Variants in MTUS1 observed in about 807,000 individuals in gnomAD.
MTUS1 encodes the protein microtubule associated scaffold protein 1.
Under a neutral mutation model 120.8 loss-of-function variants are expected in MTUS1, and 109 were observed. That is an observed-to-expected ratio of 0.90 (90% CI 0.77 to 1.06). The LOEUF (loss-of-function observed/expected upper bound fraction) is 1.06. MTUS1 is among the 50% of genes least tolerant of loss of function. The probability of loss-of-function intolerance (pLI) is 0.00; values close to 1 mark genes in which losing one functional copy is unlikely to be tolerated. For missense variants in MTUS1, 2,210 were observed against 1,486.3 expected, an observed-to-expected ratio of 1.49 and a Z score of -8.01; for synonymous variants, 737 against 550.5, an observed-to-expected ratio of 1.34 and a Z score of -4.74.
chr8:17,750,018 A>C (rs1283987278), intron 2 of MTUS1, among the ~76,000 whole-genome samples: 1 of 152,214 alleles, frequency 6.6e-6, no homozygotes, highest in Non-Finnish European at 1.5e-5. Context: ...TTTGCCCAGT[A>C]AATGGTGGAG....
intron 12 of MTUS1, among the ~76,000 whole-genome samples, chr8:17,652,844 AAAAAG>A (rs1300567269): frequency 3.0e-4 from 46 of 152,216 alleles, no homozygotes; most frequent in African/African-American, 9.1e-4. Flanking sequence ...TCAAAAAAAA[AAAAAG>A]AAAGAGTGAA....
chr8:17,799,053 T>C (rs1305021108), intron 1 of MTUS1, among the ~76,000 whole-genome samples: 2 of 152,062 alleles, frequency 1.3e-5, no homozygotes, highest in Non-Finnish European at 2.9e-5. Context: ...ATTCTACATG[T>C]TGACAAGAAT....
Position 17,743,746 on chromosome 8 carries a change from G to T in MTUS1, c.2145C>A (p.Asp715Glu), listed in dbSNP as rs1475073959. ...TTSGRNISKPDSCGLRQIAAP... is the reference protein window; with the variant it reads ...TTSGRNISKPESCGLRQIAAP... The stretch of plus-strand genomic sequence containing the variant: ...CAGCTATTTGCCTCAAACCGCAGGA[G>T]TCAGGCTTGGATATATTCCTACCTG... Residue 715 changes from aspartate to glutamate, a missense_variant, in exon 3 of 15, where the codon GAC (aspartate) becomes GAA (glutamate). Transcript: ENST00000693296. 1 of 1,614,050 alleles carries T rather than the reference G, an allele frequency of 6.2e-7. No individual in the cohort carries two copies. The highest frequency in any genetic ancestry group is 8.5e-7 in the Non-Finnish European group (1 of 1,180,046).
chr8:17,650,596 G>C (rs573992195), intron 12 of MTUS1, among the ~76,000 whole-genome samples: 3 of 152,286 alleles, frequency 2.0e-5, no homozygotes, highest in African/African-American at 7.2e-5. Context: ...TACAGTCCCA[G>C]CTACTCAGGA....
chr8:17,680,533 C>G (rs1814216320), intron 7 of MTUS1, among the ~76,000 whole-genome samples: 2 of 145,492 alleles, frequency 1.4e-5, no homozygotes, highest in Non-Finnish European at 3.0e-5. Context: ...AGTCACAATT[C>G]CTTGGCTGTC....
chr8:17,710,102 G>A (rs1416223605), intron 6 of MTUS1, among the ~76,000 whole-genome samples: 1 of 152,190 alleles, frequency 6.6e-6, no homozygotes, highest in Admixed American at 6.5e-5. Flanking sequence ...TTTGCTGGTG[G>A]AACATCTTGC....
At chr8:17,676,394 C>T (rs530095770) in intron 7 of MTUS1, 107 of 701,196 alleles carry the variant, frequency 1.5e-4, no homozygotes, top group Middle Eastern at 2.9e-4. Flanking sequence ...CAGGTGGCCG[C>T]GCCACCCACC....
chr8:17,785,060 C>T (rs1296820708), intron 1 of MTUS1, among the ~76,000 whole-genome samples: 1 of 152,142 alleles, frequency 6.6e-6, no homozygotes, highest in African/African-American at 2.4e-5. Context: ...GCTGGGATTA[C>T]AGGTGTGATC....
At chr8:17,764,761 G>A (rs569952583) in intron 1 of MTUS1, among the ~76,000 whole-genome samples, 1 of 152,306 alleles carries the variant, frequency 6.6e-6, no homozygotes, top group South Asian at 2.1e-4. Flanking sequence ...AGAGGCAGTG[G>A]GCCAGACTTG....
At chr8:17,788,192 T>C (rs537660854) in intron 1 of MTUS1, among the ~76,000 whole-genome samples, 2 of 152,312 alleles carry the variant, frequency 1.3e-5, no homozygotes, top group African/African-American at 4.8e-5. Flanking sequence ...TACACCAATA[T>C]GTATTTGTCA....
chr8:17,700,538 G>A (rs1271254849), intron 6 of MTUS1, among the ~76,000 whole-genome samples: 1 of 148,846 alleles, frequency 6.7e-6, no homozygotes, highest in Non-Finnish European at 1.5e-5. Context: ...ACAAAAACAT[G>A]ATTTAAAATT....
At chr8:17,724,211 T>TAA (rs761198653) in intron 3 of MTUS1, 7 of 364,910 alleles carry the variant, frequency 1.9e-5, no homozygotes, top group South Asian at 4.2e-5. Context: ...TACTGGTGAC[T>TAA]AAAAAAAAAA....
At chr8:17,741,634 C>T (rs923962158) in intron 3 of MTUS1, among the ~76,000 whole-genome samples, 4 of 152,158 alleles carry the variant, frequency 2.6e-5, no homozygotes, top group Non-Finnish European at 5.9e-5. Context: ...ACTACTTCCC[C>T]GCTGGGTGGG....
chr8:17,646,889 C>T (rs1805905600), intron 14 of MTUS1, 93 bp downstream of exon 14: 3 of 826,056 alleles, frequency 3.6e-6, no homozygotes, highest in Non-Finnish European at 6.1e-6. Flanking sequence ...CATCATATTT[C>T]CAGGAGGTGC....
At chr8:17,667,870 G>A (rs1299777453) in intron 8 of MTUS1, among the ~76,000 whole-genome samples, 1 of 152,184 alleles carries the variant, frequency 6.6e-6, no homozygotes, top group Non-Finnish European at 1.5e-5. Flanking sequence ...AACATTGTTT[G>A]TTAGGGATGA....
At chr8:17,709,578 G>T (rs553975879) in intron 6 of MTUS1, among the ~76,000 whole-genome samples, 37 of 152,090 alleles carry the variant, frequency 2.4e-4, no homozygotes, top group Non-Finnish European at 2.6e-4. Context: ...GCATACCTGG[G>T]AGATATATAT....
intron 4 of MTUS1, among the ~76,000 whole-genome samples, chr8:17,717,554 CATATTTTAAAAA>C (rs1822582329): frequency 6.6e-6 from 1 of 152,150 alleles, no homozygotes; most frequent in Non-Finnish European, 1.5e-5. Context: ...GTCACTTATT[CATATTTTAAAAA>C]ATTAAACTGA....
Position 17,645,695 on chromosome 8 carries a change from C to G in MTUS1, c.*231G>C. ...TGTGCAACAACGTCCGTGTCGATGC[C>G]GAAATCTTTTTTTAAATCTTTTTTT... is the stretch of plus-strand genomic sequence containing the variant. On this transcript the variant is annotated 3_prime_UTR_variant, in exon 15 of 15. Coordinates refer to ENST00000693296, the MANE Select transcript of MTUS1 (RefSeq NM_001363059.2). The G allele has an allele frequency of 2.0e-6, 1 of 505,654 alleles. No individual in the cohort carries two copies. Among genetic ancestry groups the G allele is most frequent in the East Asian group, 3.6e-5 (1 of 28,150 alleles). 31.3% of individuals were successfully genotyped at this position (505,654 alleles called of 1,614,324 possible).
intron 8 of MTUS1, among the ~76,000 whole-genome samples, chr8:17,659,130 T>G (rs10888140): frequency 8.0e-4 from 122 of 151,876 alleles, no homozygotes; most frequent in African/African-American, 2.9e-3. Flanking sequence ...CTGGCAAGCG[T>G]GAGAGGATGG....
Sources: allele counts gnomAD v4.1 joint callset (sites outside exome capture counted in the v4.1 genomes callset), GRCh38; gene constraint gnomAD v4.1.1; transcripts MANE v1.5; gene names NCBI Gene and HGNC (gene_info 2026-07-23, HGNC 2026-07-21).